Variants in RPTOR observed in about 807,000 individuals in gnomAD.
RPTOR encodes regulatory associated protein of MTOR complex 1.
A neutral mutation model predicts 169.9 loss-of-function variants in RPTOR; 21 were observed. The ratio of observed to expected loss-of-function variants is 0.12; its 90% confidence interval spans 0.09 to 0.18. The LOEUF is 0.18. RPTOR is among the 10% of genes least tolerant of loss of function. The pLI is 1.00. For missense variants in RPTOR, 1,133 were observed against 1,855.9 expected (o/e 0.61, Z 7.16); for synonymous variants, 732 against 753.2 (o/e 0.97, Z 0.46).
At chr17:80,892,957 C>A in intron 19 of RPTOR, 88 bp downstream of exon 19, 1 of 1,481,642 alleles carries the variant, frequency 6.7e-7, no homozygotes, top group South Asian at 1.3e-5. Flanking sequence ...ACCACTCTGC[C>A]CCTGCCCCTT....
At position 80,643,881 on chromosome 17, in the gene RPTOR, CTT is replaced by C. The variant is rs1282206394; in HGVS notation, c.348+73_348+74del. 4.9e-6 allele frequency: 6 copies of C among 1,215,370 alleles called. No individual in the cohort carries two copies. In the Admixed American group the frequency reaches 5.7e-5, roughly 12 times the overall value. The allele number at this position is 1,215,370 out of a possible 1,614,324, so 75.3% of individuals were successfully genotyped here. ...CTCCAGTTCCTTGGTTTCCAACACT[CTT>C]TGGATCCAAGTGAGAATTCTGTGCA... is the stretch of plus-strand genomic sequence containing the variant. On this transcript the variant is annotated intron_variant, in intron 3 of 33. Transcript: ENST00000306801.
chr17:80,649,637 T>G (rs1158009855), intron 3 of RPTOR, among the ~76,000 whole-genome samples: 1 of 152,216 alleles, frequency 6.6e-6, no homozygotes, highest in Admixed American at 6.5e-5. Context: ...AGACAATATC[T>G]TCTGGTGGTC....
chr17:80,723,575 C>T (rs1376606533), intron 4 of RPTOR, among the ~76,000 whole-genome samples: 1 of 151,316 alleles, frequency 6.6e-6, no homozygotes, highest in Non-Finnish European at 1.5e-5. Context: ...CTACCACAGC[C>T]CTGGATCAAC....
intron 4 of RPTOR, among the ~76,000 whole-genome samples, chr17:80,715,328 T>C (rs7216437): frequency 0.66 from 100,808 of 152,094 alleles, 33,984 homozygotes; most frequent in African/African-American, 0.78. Context: ...CATTTAAATA[T>C]GTAATTAAAT....
At chr17:80,738,006 A>G (rs1304708461) in intron 5 of RPTOR, among the ~76,000 whole-genome samples, 3 of 146,580 alleles carry the variant, frequency 2.0e-5, no homozygotes, top group African/African-American at 7.4e-5. Flanking sequence ...AGCCACTGTG[A>G]GAGGTTAAGA....
At chr17:80,641,585 T>C (rs1416389872) in intron 2 of RPTOR, among the ~76,000 whole-genome samples, 1 of 152,252 alleles carries the variant, frequency 6.6e-6, no homozygotes, top group Non-Finnish European at 1.5e-5. Flanking sequence ...CTGCAATAAG[T>C]GAGCTACATG....
Position 80,559,497 on chromosome 17 carries a change from C to T in RPTOR, c.162+13706C>T, listed in dbSNP as rs79681364. On this transcript the variant is annotated intron_variant, in intron 1 of 33. Coordinates refer to ENST00000306801, the MANE Select transcript of RPTOR (RefSeq NM_020761.3). ...CAAGGAGCCTGGTTCCTGTTAGTGG[C>T]GAATGGCATTGAGAAGCCACGAACG... 9.0e-3 allele frequency among the ~76,000 whole-genome samples: 1,371 copies of T among 152,280 alleles called. 29 individuals carry two copies. The highest frequency in any genetic ancestry group is 0.031 in the African/African-American group (1,274 of 41,556).
At chr17:80,725,611 G>A (rs1381523566) in intron 4 of RPTOR, among the ~76,000 whole-genome samples, 2 of 152,168 alleles carry the variant, frequency 1.3e-5, no homozygotes, top group East Asian at 1.9e-4. Context: ...TACTGTGGGC[G>A]TTGTTTCTGC....
At chr17:80,653,286 G>A (rs1488468448) in intron 3 of RPTOR, among the ~76,000 whole-genome samples, 2 of 152,202 alleles carry the variant, frequency 1.3e-5, no homozygotes, top group Non-Finnish European at 2.9e-5. Flanking sequence ...GCCAGGCACC[G>A]TGGCTCATGC....
intron 1 of RPTOR, chr17:80,602,759 CTCCTT>C (rs1377227913): frequency 1.5e-5 from 11 of 740,350 alleles, no homozygotes; most frequent in Non-Finnish European, 2.5e-5. Context: ...GAGTTGCCAT[CTCCTT>C]CATGTCAAAT....
At chr17:80,602,741 C>A in intron 1 of RPTOR, 1 of 765,580 alleles carries the variant, frequency 1.3e-6, no homozygotes, top group Non-Finnish European at 2.4e-6. Context: ...TGTCAATGCA[C>A]ACATCTGGAG....
intron 3 of RPTOR, among the ~76,000 whole-genome samples, chr17:80,694,519 T>C (rs1398831178): frequency 6.6e-6 from 1 of 152,176 alleles, no homozygotes; most frequent in Non-Finnish European, 1.5e-5. Context: ...TTCCCGTGAA[T>C]GTGTTGGTTC....
chr17:80,661,409 G>A (rs1279171998), intron 3 of RPTOR, among the ~76,000 whole-genome samples: 2 of 152,206 alleles, frequency 1.3e-5, no homozygotes, highest in East Asian at 3.9e-4. Context: ...CTCAGCAGAG[G>A]AGTCGCGCGG....
intron 5 of RPTOR, among the ~76,000 whole-genome samples, chr17:80,732,600 C>T (rs1486046653): frequency 2.6e-5 from 4 of 152,126 alleles, no homozygotes; most frequent in Non-Finnish European, 4.4e-5. Context: ...AATGCGATAC[C>T]GTATGTCTTT....
At position 80,822,292 on chromosome 17, in the gene RPTOR, C is replaced by G. The variant is rs748995553; in HGVS notation, c.982C>G (p.Leu328Val). 1.2e-6 allele frequency: 2 copies of G among 1,614,124 alleles called. No homozygotes were observed. The highest frequency in any genetic ancestry group is 1.7e-6 in the Non-Finnish European group (2 of 1,179,984). The change falls in exon 8 of 34, where the codon CTC becomes GTC. Residue 328 changes from leucine (L) to valine (V), a missense_variant. By Grantham distance (32) the Leu-to-Val change is conservative (BLOSUM62 1). This residue lies in a region of RPTOR where 289 missense variants were observed against 585.8 expected (regional missense o/e 0.49). Transcript: ENST00000306801. ...AITDTIAWNV[L>V]PRDLFQKLFR... ...CACAGACACCATCGCGTGGAACGTG[C>G]TCCCCCGGGGTGAGGCGCGGGCCGG...
intron 20 of RPTOR, among the ~76,000 whole-genome samples, chr17:80,900,458 A>G (rs1225677636): frequency 6.6e-6 from 1 of 152,162 alleles, no homozygotes; most frequent in African/African-American, 2.4e-5. Flanking sequence ...CTGGGATTAC[A>G]GGCGCATGCC....
In RPTOR at chr17:80,947,270, A is replaced by C; in HGVS notation, c.3184A>C (p.Asn1062His). 1 of 1,604,420 alleles carries C rather than the reference A, an allele frequency of 6.2e-7. No homozygotes were observed. The highest frequency in any genetic ancestry group is 8.5e-7 in the Non-Finnish European group (1 of 1,176,142). Residue 1062 changes from asparagine (N) to histidine (H), a missense_variant, in exon 27 of 34, where the codon AAT becomes CAT. Physicochemically the swap from Asn to His is moderately conservative, Grantham distance 68. This residue lies in a region of RPTOR where 410 missense variants were observed against 623.7 expected (regional missense o/e 0.66). Coordinates refer to ENST00000306801, the MANE Select transcript of RPTOR (RefSeq NM_020761.3). This position sits in a 1 kb window ranked among gnomAD's most constrained non-coding sequence, Gnocchi z 4.4. ...AGGGGAGAAGCTGGATTATTTCCAC[A>C]ATGGGAACCCTCGGTACACGAGGGT... Reference protein sequence around the residue: ...EKGEKLDYFHNGNPRYTRVTA... With the variant: ...EKGEKLDYFHHGNPRYTRVTA...
At chr17:80,868,653 T>C (rs1334637833) in intron 13 of RPTOR, among the ~76,000 whole-genome samples, 1 of 152,170 alleles carries the variant, frequency 6.6e-6, no homozygotes, top group East Asian at 1.9e-4. Flanking sequence ...TGGAAGCATG[T>C]CCACACAAAG....
intron 1 of RPTOR, among the ~76,000 whole-genome samples, chr17:80,565,873 C>T (rs1016939593): frequency 5.3e-5 from 8 of 152,184 alleles, no homozygotes; most frequent in Admixed American, 2.6e-4. Flanking sequence ...TGTTAAGCGG[C>T]GAGCCAGGAG....
Sources: gnomAD v4.1 joint callset for allele counts (sites outside exome capture counted in the v4.1 genomes callset) on GRCh38, gnomAD v4.1.1 for gene constraint, gnomAD v4.1.1 regional missense constraint, Gnocchi (gnomAD v3.1) non-coding constraint, MANE v1.5 for transcripts, NCBI Gene and HGNC (gene_info 2026-07-23, HGNC 2026-07-21) for gene names.